The following COG5 variants were observed in gnomAD, a reference collection of about 807,000 sequenced individuals.
COG5 encodes the protein conserved oligomeric Golgi complex subunit 5.
COG5 carries 86 observed loss-of-function variants against 110.4 expected under a neutral mutation model. That is an observed-to-expected ratio of 0.78 (90% CI 0.65 to 0.93). COG5 has a LOEUF of 0.93. Among genes scored for constraint, COG5 ranks in the 40% least tolerant of loss-of-function variants. The probability of loss-of-function intolerance (pLI) is 0.00; values close to 1 mark genes in which losing one functional copy is unlikely to be tolerated. For synonymous variants in COG5, 360 were observed against 334.6 expected (o/e 1.08, Z -0.83); for missense variants, 1,077 against 987.0 (o/e 1.09, Z -1.22).
At chr7:107,536,060 T>C (rs954892417) in intron 5 of COG5, among the ~76,000 whole-genome samples, 2 of 152,202 alleles carry the variant, frequency 1.3e-5, no homozygotes, top group East Asian at 1.9e-4. Flanking sequence ...AAAAACCACA[T>C]GATTATCTCA....
At chr7:107,225,142 T>G (rs1230982200) in intron 19 of COG5, among the ~76,000 whole-genome samples, 2 of 152,190 alleles carry the variant, frequency 1.3e-5, no homozygotes, top group African/African-American at 4.8e-5. Context: ...ACCCCTGAAC[T>G]GAGCCCATTG....
intron 7 of COG5, among the ~76,000 whole-genome samples, chr7:107,386,510 T>C (rs1449215440): frequency 6.6e-6 from 1 of 152,050 alleles, no homozygotes; most frequent in Non-Finnish European, 1.5e-5. Context: ...CACCGCGCAG[T>C]CAGTGAGTAA....
At chr7:107,531,512 T>C (rs1366691387) in intron 5 of COG5, among the ~76,000 whole-genome samples, 1 of 152,114 alleles carries the variant, frequency 6.6e-6, no homozygotes, top group African/African-American at 2.4e-5. Flanking sequence ...CATTGACTAT[T>C]TGTTTACCTA....
At chr7:107,256,195 A>G (rs1802870141) in intron 16 of COG5, among the ~76,000 whole-genome samples, 1 of 152,178 alleles carries the variant, frequency 6.6e-6, no homozygotes, top group Non-Finnish European at 1.5e-5. Context: ...TTCTGGTTTT[A>G]TGCCTCAGTT....
chr7:107,203,810 C>T (rs780927785), intron 21 of COG5, among the ~76,000 whole-genome samples, 180 bp from the exon 22 acceptor site: 5 of 152,152 alleles, frequency 3.3e-5, no homozygotes, highest in African/African-American at 4.8e-5. Context: ...ATGGTTACTA[C>T]GGTTACTACG....
chr7:107,409,780 T>C (rs894865066), intron 7 of COG5, among the ~76,000 whole-genome samples: 2 of 152,184 alleles, frequency 1.3e-5, no homozygotes, highest in African/African-American at 4.8e-5. Context: ...GAACTTTGCA[T>C]GAAGTCAAAA....
chr7:107,416,022 A>G (rs1051774704), intron 6 of COG5, among the ~76,000 whole-genome samples: 1 of 149,358 alleles, frequency 6.7e-6, no homozygotes, highest in Non-Finnish European at 1.5e-5. Flanking sequence ...ACACGTATGT[A>G]TATATGTGTG....
At chr7:107,265,815 G>A (rs1269423092) in intron 14 of COG5, among the ~76,000 whole-genome samples, 7 of 152,144 alleles carry the variant, frequency 4.6e-5, no homozygotes. Context: ...AGCACTTTAG[G>A]AGGCTGAAGT....
At chr7:107,251,346 C>G (rs1175446671) in intron 16 of COG5, among the ~76,000 whole-genome samples, 1 of 152,050 alleles carries the variant, frequency 6.6e-6, no homozygotes, top group Non-Finnish European at 1.5e-5. Flanking sequence ...TAGGAGTGTT[C>G]TTTGCCATCA....
chr7:107,525,568 A>T (rs571437003), intron 6 of COG5, among the ~76,000 whole-genome samples: 84 of 126,010 alleles, frequency 6.7e-4, no homozygotes, highest in Middle Eastern at 4.0e-3. Flanking sequence ...TTTTTTTTTT[A>T]AAGAGTCAAG....
At chr7:107,562,578 C>A (rs984548551) in intron 1 of COG5, among the ~76,000 whole-genome samples, 2 of 152,128 alleles carry the variant, frequency 1.3e-5, no homozygotes, top group African/African-American at 4.8e-5. Flanking sequence ...AAAAATTGCA[C>A]GTGTATCAGG....
At chr7:107,299,638 A>G (rs984605689) in intron 11 of COG5, among the ~76,000 whole-genome samples, 3 of 151,802 alleles carry the variant, frequency 2.0e-5, no homozygotes, top group African/African-American at 7.2e-5. Context: ...TTCCCAATTC[A>G]TTCTGAGGCC....
intron 7 of COG5, among the ~76,000 whole-genome samples, chr7:107,379,039 C>G (rs1209624756): frequency 2.0e-5 from 3 of 152,154 alleles, no homozygotes; most frequent in Admixed American, 6.5e-5. Flanking sequence ...GGGTTACCCA[C>G]AAAGGGAAGC....
chr7:107,209,921 T>C (rs1394669202), intron 21 of COG5: 3 of 986,324 alleles, frequency 3.0e-6, no homozygotes, highest in Admixed American at 1.2e-4. Context: ...GTGAGAGCAG[T>C]TGCAGGGAAG....
intron 5 of COG5, among the ~76,000 whole-genome samples, chr7:107,529,984 G>A (rs978353608): frequency 7.2e-5 from 11 of 152,150 alleles, no homozygotes; most frequent in African/African-American, 2.7e-4. Context: ...ATTCCTCTGA[G>A]ATTTTAAATA....
At chr7:107,494,988 T>C (rs1451928571) in intron 6 of COG5, among the ~76,000 whole-genome samples, 3 of 152,114 alleles carry the variant, frequency 2.0e-5, no homozygotes, top group Non-Finnish European at 4.4e-5. Context: ...ATCATTAACA[T>C]ACATATGCGT....
intron 6 of COG5, among the ~76,000 whole-genome samples, chr7:107,451,312 G>A (rs1795322741): frequency 6.6e-6 from 1 of 152,064 alleles, no homozygotes; most frequent in Non-Finnish European, 1.5e-5. Context: ...AGAAGATAAG[G>A]AAGAAGATGT....
chr7:107,525,085 G>A (rs1206483381), intron 6 of COG5, among the ~76,000 whole-genome samples: 1 of 151,914 alleles, frequency 6.6e-6, no homozygotes, highest in Non-Finnish European at 1.5e-5. Flanking sequence ...ACACCACCAC[G>A]CCCAGCTAAT....
chr7:107,416,117 T>C (rs1792826221), intron 6 of COG5, among the ~76,000 whole-genome samples: 1 of 151,672 alleles, frequency 6.6e-6, no homozygotes, highest in Non-Finnish European at 1.5e-5. Flanking sequence ...CATATGTGTA[T>C]GCCCCATGAC....
Sources: gnomAD v4.1 joint callset for allele counts (sites outside exome capture counted in the v4.1 genomes callset) on GRCh38, gnomAD v4.1.1 for gene constraint, MANE v1.5 for transcripts, NCBI Gene and HGNC (gene_info 2026-07-23, HGNC 2026-07-21) for gene names.